The following DNAJC14 variants were observed in gnomAD, a reference collection of about 807,000 sequenced individuals.
DNAJC14 encodes the protein DnaJ heat shock protein family (Hsp40) member C14, also known as dnaJ homolog subfamily C member 14.
A neutral mutation model predicts 68.8 loss-of-function variants in DNAJC14; 12 were observed. The ratio of observed to expected loss-of-function variants is 0.17; its 90% CI spans 0.11 to 0.28. The LOEUF is 0.28. DNAJC14 is among the 10% of genes least tolerant of loss of function. The probability of loss-of-function intolerance (pLI) is 1.00; values close to 1 mark genes in which losing one functional copy is unlikely to be tolerated. For missense variants in DNAJC14, 764 were observed against 875.6 expected (o/e 0.87, Z 1.61); for synonymous variants, 350 against 321.5 (o/e 1.09, Z -0.95).
Position 55,829,564 on chromosome 12 carries a change from G to A in DNAJC14, c.-132C>T. 1 of 985,190 alleles carries A rather than the reference G, an allele frequency of 1.0e-6. No individual in the cohort carries two copies. The highest frequency in any genetic ancestry group is 1.7e-5 in the African/African-American group (1 of 57,244). The allele number at this position is 985,190 out of a possible 1,614,324, so 61.0% of individuals were successfully genotyped here. A position where few individuals can be genotyped will look rare whatever the true frequency, so the allele number is the denominator to read the frequency against. ...GGTGAGCTACGAGAGCCGCTCTCCCGGCTCCGCCTCCCGCTCACGCTCTGC... is the reference window on the plus strand; with the variant it reads ...GGTGAGCTACGAGAGCCGCTCTCCCAGCTCCGCCTCCCGCTCACGCTCTGC... On this transcript the variant is annotated 5_prime_UTR_variant, in exon 1 of 7. Transcript: ENST00000678005.
In DNAJC14 at chr12:55,826,979, G is replaced by A. The variant is rs573785844; in HGVS notation, c.1407+273C>T. The stretch of plus-strand genomic sequence containing the variant: ...CTGAGGTGGGTGAATCATGAAGTCA[G>A]GAGTTCGAGACCAGCATGACCAACA... On this transcript the variant is annotated intron_variant, in intron 2 of 6. Transcript: ENST00000678005. 1.6e-3 allele frequency among the ~76,000 whole-genome samples: 250 copies of A among 152,002 alleles called. 1 individual carries two copies. The highest frequency in any genetic ancestry group is 1.5e-3 in the Non-Finnish European group (102 of 67,966).
chr12:55,821,903 G>A lies in DNAJC14; in HGVS notation c.*74C>T, dbSNP rs1880675696. 7 of 1,433,482 alleles carry A rather than the reference G, an allele frequency of 4.9e-6. No individual in the cohort carries two copies. The highest frequency in any genetic ancestry group is 5.7e-6 in the Non-Finnish European group (6 of 1,058,306). 88.8% of individuals were successfully genotyped at this position (1,433,482 alleles called of 1,614,324 possible). ...CAGTTCCTAGGTGTTGGGGGAGGAGGGATAAATCAAACTCCATCCTGTGCT... is the reference window on the plus strand; with the variant it reads ...CAGTTCCTAGGTGTTGGGGGAGGAGAGATAAATCAAACTCCATCCTGTGCT... On this transcript the variant is annotated 3_prime_UTR_variant, in exon 7 of 7. Transcript: ENST00000678005.
At chr12:55,824,156 T>A (rs1281935862) in intron 2 of DNAJC14, among the ~76,000 whole-genome samples, 2 of 152,056 alleles carry the variant, frequency 1.3e-5, no homozygotes, top group African/African-American at 4.8e-5. Flanking sequence ...TGTCCCAGTT[T>A]TAGCACTAAA....
chr12:55,824,439 T>C (rs1243492419), intron 2 of DNAJC14, among the ~76,000 whole-genome samples: 2 of 152,206 alleles, frequency 1.3e-5, no homozygotes. Context: ...AGCTTCCTGA[T>C]TGTACCCATC....
At position 55,822,172 on chromosome 12, in the gene DNAJC14, G is replaced by T. The variant is rs1194050870; in HGVS notation, c.1914C>A (p.Ala638=). The change falls in exon 7 of 7, where the codon GCC becomes GCA. Residue 638 remains alanine, a synonymous_variant. Transcript: ENST00000678005. ...AGAAATCCTGAAGATCAGCAGGAGG[G>T]GCATCTGGGGTGGCTCTGAGGTAAA... ...TRGRQRATPD[A]PPADLQDFLS... 12 of 1,597,222 alleles carry T rather than the reference G, an allele frequency of 7.5e-6. No homozygotes were observed. Among genetic ancestry groups the T allele is most frequent in the Middle Eastern group, 1.8e-4 (1 of 5,524 alleles).
chr12:55,827,430 C>A lies in DNAJC14; in HGVS notation c.1229G>T (p.Arg410Met). Residue 410 changes from arginine to methionine, a missense_variant, in exon 2 of 7, where the codon AGG becomes ATG. This residue lies in a region of DNAJC14 where 514 missense variants were observed against 521.7 expected (regional missense o/e 0.99). Coordinates refer to ENST00000678005, the MANE Select transcript of DNAJC14 (RefSeq NM_032364.6). ...ACTAGCTACAGGTGCATTCCCCTGC[C>A]TATTAATATTCTGCTTGACCCAAGG... ...ELPWVKQNIN[R>M]QGNAPVASGR... 1 of 1,610,538 alleles carries A rather than the reference C, an allele frequency of 6.2e-7. No homozygotes were observed. Among genetic ancestry groups the A allele is most frequent in the Non-Finnish European group, 8.5e-7 (1 of 1,177,960 alleles).
At position 55,821,181 on chromosome 12, in the gene DNAJC14, T is replaced by C. The variant is rs887949431; in HGVS notation, c.*796A>G. The stretch of plus-strand genomic sequence containing the variant: ...TAAAAATGATTAATTTTGGCCATCC[T>C]TGCAGAAAAGAGCCTAAAATTGGGT... On this transcript the variant is annotated 3_prime_UTR_variant, in exon 7 of 7. Transcript: ENST00000678005. 2.0e-5 allele frequency: 3 copies of C among 152,704 alleles called. No individual in the cohort carries two copies. Among genetic ancestry groups the C allele is most frequent in the Non-Finnish European group, 4.4e-5 (3 of 68,052 alleles). 9.5% of individuals were successfully genotyped at this position (152,704 alleles called of 1,614,324 possible). A position where few individuals can be genotyped will look rare whatever the true frequency, so the allele number is the denominator to read the frequency against.
At chr12:55,824,435 C>T (rs1419092763) in intron 2 of DNAJC14, among the ~76,000 whole-genome samples, 1 of 152,140 alleles carries the variant, frequency 6.6e-6, no homozygotes, top group African/African-American at 2.4e-5. Flanking sequence ...CTACAGCTTC[C>T]TGATTGTACC....
rs746936470 is a variant in DNAJC14, at chr12:55,828,207, C to T, written c.452G>A (p.Ser151Asn). 1.2e-6 allele frequency: 2 copies of T among 1,611,228 alleles called. No individual in the cohort carries two copies. The highest frequency in any genetic ancestry group is 1.7e-6 in the Non-Finnish European group (2 of 1,178,786). Reference sequence around the variant, plus strand: ...AGAGGTACAGTGGTGGCAAAAGTTGCTAGAAGAACCATTTCCTCCCTCAGA... The same window carrying T: ...AGAGGTACAGTGGTGGCAAAAGTTGTTAGAAGAACCATTTCCTCCCTCAGA... Reference protein sequence around the residue: ...PYSEGGNGSSSNFCHHCTSPA... With the variant: ...PYSEGGNGSSNNFCHHCTSPA... The change falls in exon 2 of 7, where the codon AGC becomes AAC. Residue 151 changes from serine (S) to asparagine (N), a missense_variant. Around this residue, in one of 4 missense-constraint regions of DNAJC14, gnomAD observed 514 missense variants for 521.7 expected, o/e 0.99. Transcript: ENST00000678005.
chr12:55,822,286 G>T (rs12308277), intron 6 of DNAJC14, 87 bp downstream of exon 6: 57,911 of 1,541,454 alleles, frequency 0.038, 4,393 homozygotes, highest in African/African-American at 0.28. Flanking sequence ...AGAAAACAAG[G>T]CCCCTGGGTG....
chr12:55,828,194 G>T lies in DNAJC14; in HGVS notation c.465C>A (p.His155Gln). The T allele has an allele frequency of 6.2e-7, 1 of 1,612,016 alleles. No individual in the cohort carries two copies. The highest frequency in any genetic ancestry group is 8.5e-7 in the Non-Finnish European group (1 of 1,179,174). ...CCCCCAAAGCTGGAGAGGTACAGTGGTGGCAAAAGTTGCTAGAAGAACCAT... is the reference window on the plus strand; with the variant it reads ...CCCCCAAAGCTGGAGAGGTACAGTGTTGGCAAAAGTTGCTAGAAGAACCAT... ...GGNGSSSNFC[H>Q]HCTSPALGED... Residue 155 changes from histidine (H) to glutamine (Q), a missense_variant, in exon 2 of 7, where the codon CAC becomes CAA. Transcript: ENST00000678005.
At chr12:55,822,776 T>C (rs1445446904) in intron 4 of DNAJC14, 44 bp from the exon 5 acceptor site, 1 of 1,605,540 alleles carries the variant, frequency 6.2e-7, no homozygotes, top group East Asian at 2.2e-5. Context: ...TTGTCAAGCC[T>C]ACCTAGGGCA....
intron 2 of DNAJC14, among the ~76,000 whole-genome samples, chr12:55,824,052 T>C (rs908571456): frequency 1.3e-5 from 2 of 152,050 alleles, no homozygotes; most frequent in African/African-American, 4.8e-5. Context: ...ATATCTATCA[T>C]GGATTGTTGG....
chr12:55,828,752 GA>G, intron 1 of DNAJC14, 38 bp from the exon 2 acceptor site: 6 of 1,455,230 alleles, frequency 4.1e-6, no homozygotes, highest in Non-Finnish European at 5.4e-6. Flanking sequence ...TCAAGGATGA[GA>G]CCAAGAGAGG....
intron 2 of DNAJC14, among the ~76,000 whole-genome samples, chr12:55,824,270 C>T (rs1592593297): frequency 6.6e-6 from 1 of 152,086 alleles, no homozygotes; most frequent in African/African-American, 2.4e-5. Context: ...AAAGATGTTA[C>T]ATCTTGAAAC....
At position 55,828,422 on chromosome 12, in the gene DNAJC14, C is replaced by T. The variant is rs755844162; in HGVS notation, c.237G>A (p.Gly79=). 1.4e-5 allele frequency: 23 copies of T among 1,613,956 alleles called. No individual in the cohort carries two copies. Among genetic ancestry groups the T allele is most frequent in the Non-Finnish European group, 1.8e-5 (21 of 1,179,998 alleles). ...CTGCATCTCTAGGTGGTCCTGGACC[C>T]CCTGGGGGGCCATGGCTTGGGTCCA... is the stretch of plus-strand genomic sequence containing the variant. The part of the protein sequence containing the change: ...HWLDPSHGPP[G]GPGPPRDAED... The change falls in exon 2 of 7, where the codon GGG becomes GGA. Residue 79 remains glycine, a synonymous_variant. Transcript: ENST00000678005.
At chr12:55,830,205 C>G (rs1880942072), upstream of DNAJC14, 2 of 152,194 alleles carry the variant, frequency 1.3e-5, no homozygotes, top group South Asian at 4.1e-4. Context: ...CGCAGCTCCC[C>G]AGGCCCGATC....
Position 55,823,159 on chromosome 12 carries a change from C to T in DNAJC14, c.1545G>A (p.Arg515=). 1 of 1,614,172 alleles carries T rather than the reference C, an allele frequency of 6.2e-7. No individual in the cohort carries two copies. The highest frequency in any genetic ancestry group is 1.3e-5 in the African/African-American group (1 of 75,032). Residue 515 remains arginine (R), a synonymous_variant, in exon 4 of 7, where the codon CGG becomes CGA. Coordinates refer to ENST00000678005, the MANE Select transcript of DNAJC14 (RefSeq NM_032364.6). ...MKRMAENELS[R]SVNEFLSKLQ... ...GCTTGGACAGAAACTCATTTACTGA[C>T]CGGCTCAGCTCATTCTCTGCCATTC...
At position 55,823,701 on chromosome 12, in the gene DNAJC14, CT is replaced by C. The variant is rs57733478; in HGVS notation, c.1408-194del. Among the ~76,000 whole-genome samples the C allele has an allele frequency of 7.1e-3, 925 of 129,832 alleles. 1 individual carries two copies. Among genetic ancestry groups the C allele is most frequent in the East Asian group, 0.017 (78 of 4,472 alleles). 85.2% of individuals were successfully genotyped at this position (129,832 alleles called of 152,430 possible). A position where few individuals can be genotyped will look rare whatever the true frequency, so the allele number is the denominator to read the frequency against. ...TAATTAGCTACATTACCTTGAATATCTTTTTTTTTTTTTTTTTTTTTGAGAT... is the reference window on the plus strand; with the variant it reads ...TAATTAGCTACATTACCTTGAATATCTTTTTTTTTTTTTTTTTTTTGAGAT... On this transcript the variant is annotated intron_variant, in intron 2 of 6. Coordinates refer to ENST00000678005, the MANE Select transcript of DNAJC14 (RefSeq NM_032364.6).
Sources: gnomAD v4.1 joint callset for allele counts (sites outside exome capture counted in the v4.1 genomes callset) on GRCh38, gnomAD v4.1.1 for gene constraint, gnomAD v4.1.1 regional missense constraint, MANE v1.5 for transcripts, NCBI Gene and HGNC (gene_info 2026-07-23, HGNC 2026-07-21) for gene names.